Variants in RGS3 observed in about 807,000 individuals in gnomAD.
RGS3 encodes the protein regulator of G protein signaling 3.
A neutral mutation model predicts 132.6 loss-of-function variants in RGS3; 80 were observed. The observed-to-expected ratio is 0.60, with a 90% CI of 0.50 to 0.73. The LOEUF is 0.73. Among genes scored for constraint, RGS3 ranks in the 30% least tolerant of loss-of-function variants. RGS3 has a pLI of 0.00. For missense variants in RGS3, 1,382 were observed against 1,530.8 expected (o/e 0.90, Z 1.62); for synonymous variants, 598 against 620.6 (o/e 0.96, Z 0.54).
At chr9:113,559,093 CAACAGTCCA>C (rs1222421616) in intron 19 of RGS3, among the ~76,000 whole-genome samples, 1 of 152,176 alleles carries the variant, frequency 6.6e-6, no homozygotes, top group African/African-American at 2.4e-5. Context: ...GGCTCAAGCC[CAACAGTCCA>C]AACAGTGGGT....
chr9:113,517,706 T>G, intron 16 of RGS3, 82 bp downstream of exon 14: 1 of 1,031,132 alleles, frequency 9.7e-7, no homozygotes, highest in South Asian at 1.3e-5. Context: ...TTTGGTCTCT[T>G]CCTGAGTATC....
chr9:113,531,584 A>G (rs1478125858), intron 18 of RGS3, among the ~76,000 whole-genome samples: 1 of 152,192 alleles, frequency 6.6e-6, no homozygotes, highest in Non-Finnish European at 1.5e-5. Context: ...ATATTCATTT[A>G]CTCTCCATTA....
intron 3 of RGS3, 165 bp from the exon 2 acceptor site, chr9:113,479,326 G>A: frequency 1.7e-5 from 12 of 725,080 alleles, no homozygotes; most frequent in South Asian, 1.6e-4. Flanking sequence ...TGGTGGGCGG[G>A]GCTGAACCCT....
chr9:113,448,016 C>T (rs1211063982), intron 1 of RGS3, among the ~76,000 whole-genome samples: 4 of 151,960 alleles, frequency 2.6e-5, no homozygotes, highest in African/African-American at 9.7e-5. Context: ...TGCCACCATG[C>T]CCAGCTATTT....
Position 113,586,310 on chromosome 9 carries a change from C to G in RGS3, c.3015+1883C>G, listed in dbSNP as rs140178440. 7.2e-5 allele frequency among the ~76,000 whole-genome samples: 11 copies of G among 152,318 alleles called. No homozygotes were observed. The East Asian group carries it at 1.9e-3, about 27-fold the overall frequency. On this transcript the variant is annotated intron_variant, in intron 20 of 24. Transcript: ENST00000350696. ...CCACTACACCCTTCCCAGTTCTATT[C>G]CCCTCACCACACTTGCTCCAATAAA...
At position 113,563,197 on chromosome 9, in the gene RGS3, C is replaced by T. The variant is rs542886498; in HGVS notation, c.2038-20253C>T. On this transcript the variant is annotated intron_variant, in intron 19 of 24. Transcript: ENST00000350696. ...TCAGCACACTGGGTTGGCAGAGCTGCTTTGCCCATCACAGCATAGGGCGTA... is the reference window on the plus strand; with the variant it reads ...TCAGCACACTGGGTTGGCAGAGCTGTTTTGCCCATCACAGCATAGGGCGTA... 6.6e-5 allele frequency among the ~76,000 whole-genome samples: 10 copies of T among 152,328 alleles called. No individual in the cohort carries two copies. In the East Asian group the frequency reaches 1.9e-3, roughly 29 times the overall value.
intron 19 of RGS3, among the ~76,000 whole-genome samples, chr9:113,571,915 G>C (rs1381374067): frequency 6.6e-6 from 1 of 152,092 alleles, no homozygotes; most frequent in Non-Finnish European, 1.5e-5. Context: ...ATTTTCTCTG[G>C]ATAAATATTC....
exon 8 of RGS3, chr9:113,495,793 G>A (rs1830662883): frequency 6.2e-7 from 1 of 1,614,052 alleles, no homozygotes; most frequent in Non-Finnish European, 8.5e-7. Context: ...CAGACAGAGT[G>A]GACTCATTGG....
At chr9:113,587,489 G>A (rs1022791743) in intron 20 of RGS3, among the ~76,000 whole-genome samples, 21 of 152,228 alleles carry the variant, frequency 1.4e-4, no homozygotes, top group African/African-American at 4.8e-4. Context: ...TCTGAGCTTC[G>A]GTTTTCTCTT....
intron 1 of RGS3, among the ~76,000 whole-genome samples, chr9:113,450,055 T>TTTTATTTTTATTTTA (rs1158360939): frequency 8.8e-5 from 13 of 148,526 alleles, no homozygotes; most frequent in African/African-American, 3.3e-4. Context: ...AGATTTTGCT[T>TTTTATTTTTATTTTA]TTTATTTTTA....
rs376722399 is a variant in RGS3, at chr9:113,583,744, C to T, written c.2332C>T (p.Pro778Ser). 29 of 1,613,994 alleles carry T rather than the reference C, an allele frequency of 1.8e-5. No homozygotes were observed. The African/African-American group carries it at 3.2e-4, about 18-fold the overall frequency. The change falls in exon 20 of 25, where the codon CCC (proline) becomes TCC (serine). Residue 778 changes from proline (P) to serine (S), a missense_variant. Physicochemically the swap from Pro to Ser is moderately conservative, Grantham distance 74. Coordinates refer to ENST00000350696, the Ensembl canonical transcript of RGS3. ...ACCCCCTCCAGCCCAAGACCTCTCA[C>T]CCTGCCAGGACCTACCTGCTGGTCA...
Position 113,483,056 on chromosome 9 carries a change from T to C in RGS3, c.467-3T>C, listed in dbSNP as rs1459606194. On this transcript the variant is annotated splice_region_variant and splice_polypyrimidine_tract_variant and intron_variant, in intron 4 of 24. Coordinates refer to ENST00000350696, the Ensembl canonical transcript of RGS3. Reference sequence around the variant, plus strand: ...CCACCCCAATGTCTGAATTCTCTTTTAGTTATAGAAGGTAAAGGCCTGATC... The same window carrying C: ...CCACCCCAATGTCTGAATTCTCTTTCAGTTATAGAAGGTAAAGGCCTGATC... The C allele has an allele frequency of 3.1e-6, 5 of 1,614,032 alleles. No individual in the cohort carries two copies. The African/African-American group carries it at 4.0e-5, about 13-fold the overall frequency.
rs1044703243 is a variant in RGS3, at chr9:113,565,169, A to G, written c.2038-18281A>G. ...AGGGGACCCACAGCCTATGCGTGTG[A>G]GCATGTAACCCGGGAGCCAGCTGGG... On this transcript the variant is annotated intron_variant, in intron 19 of 24. Transcript: ENST00000350696. This position sits in a 1 kb window ranked among gnomAD's most constrained non-coding sequence, Gnocchi z 5.7. 2.0e-5 allele frequency: 25 copies of G among 1,224,896 alleles called. No individual in the cohort carries two copies. The highest frequency in any genetic ancestry group is 3.1e-5 in the African/African-American group (2 of 63,646). The allele number at this position is 1,224,896 out of a possible 1,614,324, so 75.9% of individuals were successfully genotyped here.
intron 3 of RGS3, among the ~76,000 whole-genome samples, chr9:113,466,989 T>A (rs1829664802): frequency 6.6e-6 from 1 of 152,214 alleles, no homozygotes; most frequent in Non-Finnish European, 1.5e-5. Context: ...TTTTTATGAC[T>A]GACTTCTTTC....
In RGS3 at chr9:113,513,358, C is replaced by T. The variant is rs536398657; in HGVS notation, c.1478-1100C>T. On this transcript the variant is annotated intron_variant, in intron 14 of 24. Transcript: ENST00000350696. ...TGGGGGTGGTCTTGTTTCTCTGTTTCTCTCTCTCTCTCCTTATGATTAGAA... is the reference window on the plus strand; with the variant it reads ...TGGGGGTGGTCTTGTTTCTCTGTTTTTCTCTCTCTCTCCTTATGATTAGAA... Among the ~76,000 whole-genome samples the T allele has an allele frequency of 2.0e-5, 3 of 152,100 alleles. No homozygotes were observed. In the East Asian group the frequency reaches 5.8e-4, roughly 29 times the overall value.
At chr9:113,576,437 T>G (rs1588277153) in intron 19 of RGS3, among the ~76,000 whole-genome samples, 1 of 150,960 alleles carries the variant, frequency 6.6e-6, no homozygotes, top group East Asian at 2.0e-4. Context: ...GTTCAAGCCA[T>G]TCTCCTGCCT....
At chr9:113,475,362 G>A (rs1047708826) in intron 3 of RGS3, among the ~76,000 whole-genome samples, 4 of 151,992 alleles carry the variant, frequency 2.6e-5, no homozygotes, top group Non-Finnish European at 5.9e-5. Context: ...GGGGAGTGTT[G>A]AAAAAAACAG....
chr9:113,595,098 G>C, intron 23 of RGS3, 118 bp downstream of exon 21: 1 of 976,436 alleles, frequency 1.0e-6, no homozygotes, highest in South Asian at 1.5e-5. Context: ...GGCCGTCAGG[G>C]TGTCCTTGCT....
At chr9:113,533,148 A>G (rs1339573004) in intron 18 of RGS3, among the ~76,000 whole-genome samples, 2 of 152,050 alleles carry the variant, frequency 1.3e-5, no homozygotes, top group Non-Finnish European at 1.5e-5. Flanking sequence ...ATTCCCTTCC[A>G]TAAAATGGGG....
Sources: gnomAD v4.1 joint callset for allele counts (sites outside exome capture counted in the v4.1 genomes callset) on GRCh38, gnomAD v4.1.1 for gene constraint, Gnocchi (gnomAD v3.1) non-coding constraint, MANE v1.5 for transcripts, NCBI Gene and HGNC (gene_info 2026-07-23, HGNC 2026-07-21) for gene names.